Variants in PRKCH observed in about 807,000 individuals in gnomAD.
PRKCH encodes the protein protein kinase C eta.
In PRKCH, 28 loss-of-function variants were observed where a neutral mutation model predicts 82.5. The observed-to-expected ratio is 0.34, with a 90% CI of 0.25 to 0.47. The LOEUF is 0.47. Ranked by LOEUF, PRKCH falls within the 20% of genes least tolerant of loss-of-function variation. PRKCH has a pLI of 1.00. For synonymous variants in PRKCH, 322 were observed against 327.4 expected (o/e 0.98, Z 0.18); for missense variants, 705 against 881.8 (o/e 0.80, Z 2.54).
chr14:61,442,473 G>A (rs1276896151), intron 2 of PRKCH: 3 of 152,168 alleles, frequency 2.0e-5, no homozygotes, highest in Non-Finnish European at 4.4e-5. Flanking sequence ...AGATAGACGC[G>A]AGGTCACAGA....
At chr14:61,252,074 G>T (rs559389910) in intron 1 of PRKCH, among the ~76,000 whole-genome samples, 1 of 152,088 alleles carries the variant, frequency 6.6e-6, no homozygotes, top group Non-Finnish European at 1.5e-5. Context: ...TCCTGACCTC[G>T]TGATCTGCCT....
intron 1 of PRKCH, among the ~76,000 whole-genome samples, chr14:61,289,224 A>G (rs1379492291): frequency 6.6e-6 from 1 of 152,240 alleles, no homozygotes; most frequent in Non-Finnish European, 1.5e-5. Flanking sequence ...AGTGTAAAGG[A>G]AGGGGACCAG....
intron 9 of PRKCH, among the ~76,000 whole-genome samples, chr14:61,458,047 G>C (rs1386606507): frequency 2.0e-5 from 3 of 152,218 alleles, no homozygotes. Context: ...CTGTGACTCT[G>C]CTCCTAAATG....
intron 10 of PRKCH, among the ~76,000 whole-genome samples, chr14:61,526,414 C>T (rs1566928732): frequency 1.3e-5 from 2 of 152,258 alleles, no homozygotes; most frequent in South Asian, 4.1e-4. Flanking sequence ...TTCCATTGAT[C>T]TGTGCCATGA....
chr14:61,407,121 G>T (rs148173738), intron 2 of PRKCH, among the ~76,000 whole-genome samples: 128 of 152,208 alleles, frequency 8.4e-4, no homozygotes, highest in African/African-American at 2.9e-3. Context: ...AGCAAGGAGG[G>T]GTGTTAGAGT....
chr14:61,447,674 G>A (rs1884293143), intron 4 of PRKCH, among the ~76,000 whole-genome samples: 1 of 152,266 alleles, frequency 6.6e-6, no homozygotes, highest in Middle Eastern at 3.4e-3. Context: ...AAGGTTAAAT[G>A]TCACATTCTA....
chr14:61,228,627 A>C (rs561574818), intron 1 of PRKCH, among the ~76,000 whole-genome samples: 1 of 150,524 alleles, frequency 6.6e-6, no homozygotes, highest in South Asian at 2.1e-4. Flanking sequence ...TTTTTTTTCT[A>C]GTAACAAATG....
intron 2 of PRKCH, 103 bp downstream of exon 2, chr14:61,391,391 G>C: frequency 3.9e-6 from 4 of 1,024,292 alleles, no homozygotes; most frequent in East Asian, 5.7e-5. Flanking sequence ...TGTTGTAAGA[G>C]ATGCTTAAAA....
chr14:61,395,659 A>G (rs987885934), intron 2 of PRKCH, among the ~76,000 whole-genome samples: 1 of 152,182 alleles, frequency 6.6e-6, no homozygotes, highest in African/African-American at 2.4e-5. Flanking sequence ...ATAAAGTACT[A>G]TATGAAGGTA....
intron 10 of PRKCH, among the ~76,000 whole-genome samples, chr14:61,507,709 A>C (rs1887211672): frequency 6.6e-6 from 1 of 152,132 alleles, no homozygotes; most frequent in Admixed American, 6.5e-5. Context: ...TCATATATGG[A>C]ATCTAAAATA....
At position 61,445,707 on chromosome 14, in the gene PRKCH, A is replaced by G. The variant is rs1234568894; in HGVS notation, c.594A>G (p.Lys198=). The G allele has an allele frequency of 1.9e-6, 3 of 1,610,624 alleles. No individual in the cohort carries two copies. The highest frequency in any genetic ancestry group is 2.5e-6 in the Non-Finnish European group (3 of 1,176,800). ...TCTTCAACAGGGGAGTGTTTGGGAA[A>G]CAGGGTTATCAGTGCCAAGGTAAGG... ...CREFIWGVFG[K]QGYQCQVCTC... The change falls in exon 4 of 14, where the codon AAA becomes AAG. Residue 198 remains lysine (K), a synonymous_variant. Transcript: ENST00000332981.
At chr14:61,441,353 C>T (rs563333669) in intron 2 of PRKCH, among the ~76,000 whole-genome samples, 4 of 152,226 alleles carry the variant, frequency 2.6e-5, no homozygotes, top group East Asian at 3.9e-4. Flanking sequence ...AAAAGAGAGC[C>T]GGTGTGGTAG....
chr14:61,428,552 CA>C (rs1883241704), intron 2 of PRKCH, among the ~76,000 whole-genome samples: 1 of 152,186 alleles, frequency 6.6e-6, no homozygotes. Flanking sequence ...TTTAAGTCCT[CA>C]CCATATAACC....
intron 1 of PRKCH, among the ~76,000 whole-genome samples, chr14:61,214,882 T>C (rs1160832094): frequency 2.0e-5 from 3 of 152,250 alleles, no homozygotes; most frequent in African/African-American, 7.2e-5. Flanking sequence ...ATTTATGTTA[T>C]ACTTTATCAG....
At chr14:61,425,662 A>G (rs976051624) in intron 2 of PRKCH, among the ~76,000 whole-genome samples, 1 of 152,214 alleles carries the variant, frequency 6.6e-6, no homozygotes, top group Non-Finnish European at 1.5e-5. Flanking sequence ...TAATGCTGAA[A>G]TGAGTTAAGA....
chr14:61,292,648 G>A (rs545086418), intron 1 of PRKCH, among the ~76,000 whole-genome samples: 22 of 151,962 alleles, frequency 1.4e-4, no homozygotes, highest in Non-Finnish European at 2.6e-4. Context: ...GTGCGTGCCT[G>A]TAGTCCCAGC....
intron 1 of PRKCH, among the ~76,000 whole-genome samples, chr14:61,231,440 G>A (rs1005720459): frequency 6.8e-6 from 1 of 146,296 alleles, no homozygotes; most frequent in Non-Finnish European, 1.5e-5. Context: ...TCGGCTCACT[G>A]CAAGCTCTGC....
chr14:61,211,518 CACA>C (rs1409921848), intron 1 of PRKCH, among the ~76,000 whole-genome samples: 2 of 152,170 alleles, frequency 1.3e-5, no homozygotes, highest in Non-Finnish European at 2.9e-5. Flanking sequence ...TATAATTCTA[CACA>C]ACATCTAGTA....
At chr14:61,420,644 A>T (rs375216044) in intron 2 of PRKCH, among the ~76,000 whole-genome samples, 2 of 151,750 alleles carry the variant, frequency 1.3e-5, no homozygotes, top group South Asian at 2.1e-4. Context: ...CTGGGCACAT[A>T]CAGCAGTGTT....
Sources: gnomAD v4.1 joint callset for allele counts (sites outside exome capture counted in the v4.1 genomes callset) on GRCh38, gnomAD v4.1.1 for gene constraint, MANE v1.5 for transcripts, NCBI Gene and HGNC (gene_info 2026-07-23, HGNC 2026-07-21) for gene names.